Variants in LPCAT1 observed in about 807,000 individuals in gnomAD.
LPCAT1 encodes the protein 1-acylglycerol-3-phosphate O-acyltransferase.
LPCAT1 carries 23 observed loss-of-function variants against 60.9 expected under a neutral mutation model. The observed-to-expected ratio is 0.38, with a 90% CI of 0.27 to 0.53. LPCAT1 has a LOEUF of 0.53. Ranked by LOEUF, LPCAT1 falls within the 20% of genes least tolerant of loss-of-function variation. The probability of loss-of-function intolerance (pLI) is 0.82; values close to 1 mark genes in which losing one functional copy is unlikely to be tolerated. For missense variants in LPCAT1, 622 were observed against 723.6 expected, an observed-to-expected ratio of 0.86 and a Z score of 1.61; for synonymous variants, 340 against 301.1, an observed-to-expected ratio of 1.13 and a Z score of -1.34.
At position 1,523,743 on chromosome 5, in the gene LPCAT1, G is replaced by C; in HGVS notation, c.102C>G (p.His34Gln). The change falls in exon 1 of 14, where the codon CAC becomes CAG. Residue 34 changes from histidine (H) to glutamine (Q), a missense_variant. His to Gln is a conservative substitution (Grantham distance 24). Around this residue, in one of 3 missense-constraint regions of LPCAT1, gnomAD observed 125 missense variants for 114.5 expected, o/e 1.09. Transcript: ENST00000283415. This position sits in a 1 kb window ranked among gnomAD's most constrained non-coding sequence, Gnocchi z 7.1. ...TCTGCAGGGCGCTGAGGCGCAGCTC[G>C]TGCACGAAGGGGTTCCGCCCCGGGG... Reference protein sequence around the residue: ...LAPPGRNPFVHELRLSALQKA... With the variant: ...LAPPGRNPFVQELRLSALQKA... The C allele has an allele frequency of 8.5e-6, 10 of 1,176,268 alleles. No individual in the cohort carries two copies. Among genetic ancestry groups the C allele is most frequent in the Non-Finnish European group, 1.1e-5 (10 of 944,990 alleles). 72.9% of individuals were successfully genotyped at this position (1,176,268 alleles called of 1,614,324 possible).
At chr5:1,467,040 C>CA (rs1336664285) in intron 12 of LPCAT1, 150 bp from the exon 13 acceptor site, 1 of 724,746 alleles carries the variant, frequency 1.4e-6, no homozygotes, top group Non-Finnish European at 1.9e-6. Flanking sequence ...CTCGAACTTC[C>CA]ATGTGGAGCC....
chr5:1,466,124 C>T (rs1190168102), intron 13 of LPCAT1, among the ~76,000 whole-genome samples: 2 of 152,266 alleles, frequency 1.3e-5, no homozygotes, highest in Non-Finnish European at 2.9e-5. Context: ...CGGGTGGATG[C>T]AGCGTAGCTC....
At chr5:1,467,651 C>T (rs1365454783) in intron 12 of LPCAT1, among the ~76,000 whole-genome samples, 1 of 152,072 alleles carries the variant, frequency 6.6e-6, no homozygotes, top group Admixed American at 6.5e-5. Flanking sequence ...CCCTTTGTCC[C>T]TCTACCTCCT....
At chr5:1,510,255 G>T (rs1193583793) in intron 1 of LPCAT1, among the ~76,000 whole-genome samples, 2 of 152,098 alleles carry the variant, frequency 1.3e-5, no homozygotes, top group Non-Finnish European at 2.9e-5. Flanking sequence ...TATCTATAAA[G>T]CTGTTTCTTC....
At chr5:1,508,166 G>A (rs1736243472) in intron 1 of LPCAT1, among the ~76,000 whole-genome samples, 1 of 152,208 alleles carries the variant, frequency 6.6e-6, no homozygotes, top group South Asian at 2.1e-4. Flanking sequence ...GGTCCTTTGT[G>A]ACAGCAGCCG....
At chr5:1,519,293 C>T (rs1736600656) in intron 1 of LPCAT1, among the ~76,000 whole-genome samples, 1 of 152,190 alleles carries the variant, frequency 6.6e-6, no homozygotes, top group Admixed American at 6.5e-5. Context: ...ATGTATATGC[C>T]TGTGTATGCA....
chr5:1,508,396 C>T (rs1040788473), intron 1 of LPCAT1, among the ~76,000 whole-genome samples: 9 of 152,200 alleles, frequency 5.9e-5, no homozygotes, highest in East Asian at 3.9e-4. Context: ...AGAGAGGTGA[C>T]GAAGGTAAAA....
At chr5:1,518,368 T>G (rs541311251) in intron 1 of LPCAT1, among the ~76,000 whole-genome samples, 1 of 152,224 alleles carries the variant, frequency 6.6e-6, no homozygotes, top group South Asian at 2.1e-4. Context: ...GGAGACGGAG[T>G]CCGGCTCTGT....
intron 2 of LPCAT1, among the ~76,000 whole-genome samples, chr5:1,501,036 C>T (rs894435471): frequency 6.6e-6 from 1 of 152,104 alleles, no homozygotes; most frequent in African/African-American, 2.4e-5. Context: ...CCACCATGGG[C>T]AGGGCCAGAG....
Position 1,480,931 on chromosome 5 carries a change from G to T in LPCAT1, c.761+11C>A. 1 of 1,613,840 alleles carries T rather than the reference G, an allele frequency of 6.2e-7. No homozygotes were observed. Among genetic ancestry groups the T allele is most frequent in the South Asian group, 1.1e-5 (1 of 91,090 alleles). On this transcript the variant is annotated intron_variant, in intron 7 of 13. Transcript: ENST00000283415. The surrounding 1 kb of genome is among the most constrained non-coding windows in gnomAD (Gnocchi z 6.4). ...AACAGGACAAAGAGGACGACACGGCGTTCAACTTACGCTCCAGGTCCTTGC... is the reference window on the plus strand; with the variant it reads ...AACAGGACAAAGAGGACGACACGGCTTTCAACTTACGCTCCAGGTCCTTGC...
Position 1,476,745 on chromosome 5 carries a change from G to C in LPCAT1, c.899+659C>G, listed in dbSNP as rs1734934587. 6.6e-6 allele frequency among the ~76,000 whole-genome samples: 1 copy of C among 152,028 alleles called. No homozygotes were observed. The highest frequency in any genetic ancestry group is 2.1e-4 in the South Asian group (1 of 4,810). On this transcript the variant is annotated intron_variant, in intron 9 of 13. Coordinates refer to ENST00000283415, the MANE Select transcript of LPCAT1 (RefSeq NM_024830.5). The surrounding 1 kb of genome is among the most constrained non-coding windows in gnomAD (Gnocchi z 8.6). ...TAAATCCAGGTGGGAGGACCTGGTT[G>C]CAAGGACAAGTGTGGGGGGAATGGG...
Position 1,480,892 on chromosome 5 carries a change from C to A in LPCAT1, c.761+50G>T, listed in dbSNP as rs138001473. ...CACAGCAGACCCCAAGCAGCCCCTA[C>A]GTGTTCATGGAACAACAGGACAAAG... On this transcript the variant is annotated intron_variant, in intron 7 of 13. Transcript: ENST00000283415. This position sits in a 1 kb window ranked among gnomAD's most constrained non-coding sequence, Gnocchi z 6.4. 10 of 1,609,060 alleles carry A rather than the reference C, an allele frequency of 6.2e-6. No homozygotes were observed. In the Admixed American group the frequency reaches 6.7e-5, roughly 11 times the overall value.
intron 2 of LPCAT1, among the ~76,000 whole-genome samples, chr5:1,500,091 G>A (rs990234066): frequency 1.1e-4 from 17 of 152,364 alleles, no homozygotes; most frequent in African/African-American, 3.6e-4. Flanking sequence ...GCCAGCGGGC[G>A]TGCCCGTGCT....
In LPCAT1 at chr5:1,480,829, C is replaced by T. The variant is rs534177996; in HGVS notation, c.761+113G>A. 227 of 1,301,016 alleles carry T rather than the reference C, an allele frequency of 1.7e-4. 1 individual carries two copies. Among genetic ancestry groups the T allele is most frequent in the South Asian group, 1.1e-3 (94 of 84,890 alleles). The allele number at this position is 1,301,016 out of a possible 1,614,324, so 80.6% of individuals were successfully genotyped here. A position where few individuals can be genotyped will look rare whatever the true frequency, so the allele number is the denominator to read the frequency against. ...CAATGGGCTGAACCTAACGGCTGTC[C>T]CACACCTGCTTTCACAACTGCAAAA... On this transcript the variant is annotated intron_variant, in intron 7 of 13. Coordinates refer to ENST00000283415, the MANE Select transcript of LPCAT1 (RefSeq NM_024830.5). The surrounding 1 kb of genome is among the most constrained non-coding windows in gnomAD (Gnocchi z 6.4).
Position 1,462,283 on chromosome 5 carries a change from T to C in LPCAT1, c.*1368A>G, listed in dbSNP as rs1734131043. 6.6e-6 allele frequency: 1 copy of C among 152,490 alleles called. No individual in the cohort carries two copies. Among genetic ancestry groups the C allele is most frequent in the Admixed American group, 6.6e-5 (1 of 15,266 alleles). 9.4% of individuals were successfully genotyped at this position (152,490 alleles called of 1,614,324 possible). ...AGCAAACTCAAGTCTGTGATGATTA[T>C]TGTGCTTGAAGGATGGGTTTCTAAT... On this transcript the variant is annotated 3_prime_UTR_variant, in exon 14 of 14. Transcript: ENST00000283415.
chr5:1,514,584 C>T (rs972550403), intron 1 of LPCAT1, among the ~76,000 whole-genome samples: 2 of 152,204 alleles, frequency 1.3e-5, no homozygotes, highest in African/African-American at 2.4e-5. Context: ...ACATTCTGCA[C>T]ATTTTAATTC....
rs1356094038 is a variant in LPCAT1, at chr5:1,477,580, T to C, written c.817-94A>G. 13 of 923,874 alleles carry C rather than the reference T, an allele frequency of 1.4e-5. No homozygotes were observed. Among genetic ancestry groups the C allele is most frequent in the Non-Finnish European group, 2.2e-5 (13 of 588,104 alleles). 57.2% of individuals were successfully genotyped at this position (923,874 alleles called of 1,614,324 possible). A position where few individuals can be genotyped will look rare whatever the true frequency, so the allele number is the denominator to read the frequency against. On this transcript the variant is annotated intron_variant, in intron 8 of 13. Coordinates refer to ENST00000283415, the MANE Select transcript of LPCAT1 (RefSeq NM_024830.5). This position sits in a 1 kb window ranked among gnomAD's most constrained non-coding sequence, Gnocchi z 6.0. ...CTGGGAGGCTGACAAAATTAAGATC[T>C]GTCAAAGTAACGCCCATTAGAACCG... is the stretch of plus-strand genomic sequence containing the variant.
chr5:1,489,135 G>A (rs1735476373), intron 4 of LPCAT1, among the ~76,000 whole-genome samples: 1 of 152,214 alleles, frequency 6.6e-6, no homozygotes, highest in African/African-American at 2.4e-5. Flanking sequence ...TGGGGGAGGA[G>A]ACTGCCTGTG....
intron 5 of LPCAT1, among the ~76,000 whole-genome samples, chr5:1,485,773 G>A (rs1001418855): frequency 4.0e-5 from 6 of 150,392 alleles, no homozygotes; most frequent in Admixed American, 6.6e-5. Context: ...CAGGGAGGCC[G>A]GGGAGAGCCA....
Sources: allele counts gnomAD v4.1 joint callset (sites outside exome capture counted in the v4.1 genomes callset), GRCh38; gene constraint gnomAD v4.1.1; regional missense constraint gnomAD v4.1.1; non-coding constraint Gnocchi (gnomAD v3.1); transcripts MANE v1.5; gene names NCBI Gene and HGNC (gene_info 2026-07-23, HGNC 2026-07-21).